Variants in SYNE1 observed in about 807,000 individuals in gnomAD.
The protein encoded by SYNE1 is nesprin-1.
In SYNE1, 616 loss-of-function variants were observed where a neutral mutation model predicts 1,111.0. The ratio of observed to expected loss-of-function variants is 0.55; its 90% CI spans 0.52 to 0.59. The LOEUF (loss-of-function observed/expected upper bound fraction) is 0.59. Among genes scored for constraint, SYNE1 ranks in the 20% least tolerant of loss-of-function variants. The probability of loss-of-function intolerance (pLI) is 0.00; values close to 1 mark genes in which losing one functional copy is unlikely to be tolerated. For missense variants in SYNE1, 10,006 were observed against 10,417.0 expected, an observed-to-expected ratio of 0.96 and a Z score of 1.72; for synonymous variants, 3,855 against 3,825.8, an observed-to-expected ratio of 1.01 and a Z score of -0.28.
chr6:152,483,281 C>G (rs1323158801), intron 13 of SYNE1, 32 bp from the exon 14 acceptor site: 1 of 1,591,994 alleles, frequency 6.3e-7, no homozygotes, highest in East Asian at 2.2e-5. Context: ...AGTAAAATAT[C>G]TTTAATACAG....
intron 104 of SYNE1, among the ~76,000 whole-genome samples, chr6:152,253,813 GTTTGGTTTTTTTTTT>G (rs2090004126): frequency 1.5e-4 from 5 of 33,206 alleles, no homozygotes; most frequent in African/African-American, 1.9e-4. Context: ...ATGTGTAGTG[GTTTGGTTTTTTTTTT>G]TTTTTTTTTT....
chr6:152,460,920 C>A (rs531694502), intron 21 of SYNE1, among the ~76,000 whole-genome samples: 2 of 144,398 alleles, frequency 1.4e-5, no homozygotes, highest in African/African-American at 5.0e-5. Context: ...TCAAGTGATT[C>A]TCCTGCCTCA....
At chr6:152,225,005 G>C (rs901985746) in intron 116 of SYNE1, among the ~76,000 whole-genome samples, 1 of 145,806 alleles carries the variant, frequency 6.9e-6, no homozygotes, top group African/African-American at 2.6e-5. Flanking sequence ...GTTATAAGAG[G>C]TTGATACTTT....
chr6:152,493,566 G>T (rs999984147), intron 11 of SYNE1, among the ~76,000 whole-genome samples: 1 of 152,030 alleles, frequency 6.6e-6, no homozygotes, highest in African/African-American at 2.4e-5. Flanking sequence ...TCAATATTTT[G>T]ACAACCTTCT....
At chr6:152,460,210 G>T (rs1163875776) in intron 21 of SYNE1, among the ~76,000 whole-genome samples, 1 of 152,140 alleles carries the variant, frequency 6.6e-6, no homozygotes, top group Non-Finnish European at 1.5e-5. Context: ...CTGCTGGGGA[G>T]TTATCAAATT....
rs552156635 is a variant in SYNE1, at chr6:152,596,841, A to G, written c.67+31424T>C. On this transcript the variant is annotated intron_variant, in intron 3 of 145. Transcript: ENST00000367255. ...CAGTCAAATACATTTGGCATTACAG[A>G]CTTTCGAACTTACCAGAGCAGTTGG... is the stretch of plus-strand genomic sequence containing the variant. Among the ~76,000 whole-genome samples, 167 of 152,280 alleles carry G rather than the reference A, an allele frequency of 1.1e-3. 1 individual carries two copies. Among genetic ancestry groups the G allele is most frequent in the Middle Eastern group, 3.4e-3 (1 of 294 alleles).
chr6:152,562,400 T>A (rs892525650), intron 3 of SYNE1, among the ~76,000 whole-genome samples: 4 of 152,080 alleles, frequency 2.6e-5, no homozygotes, highest in African/African-American at 9.7e-5. Flanking sequence ...AGATAACAAG[T>A]GTTGGTGAGG....
chr6:152,232,365 G>T, intron 112 of SYNE1, 100 bp from the exon 113 acceptor site: 1 of 1,291,808 alleles, frequency 7.7e-7, no homozygotes, highest in Non-Finnish European at 1.1e-6. Flanking sequence ...AATGTACCAA[G>T]AGAGATAACA....
At chr6:152,199,168 TTTA>T (rs1279939911) in intron 127 of SYNE1, among the ~76,000 whole-genome samples, 1 of 150,656 alleles carries the variant, frequency 6.6e-6, no homozygotes, top group Admixed American at 6.6e-5. Context: ...TACTCATCAT[TTTA>T]TTGATTTAAA....
chr6:152,413,993 T>C (rs1033446931), intron 41 of SYNE1, among the ~76,000 whole-genome samples: 6 of 93,366 alleles, frequency 6.4e-5, no homozygotes, highest in Non-Finnish European at 1.3e-4. Context: ...AGAATATATA[T>C]ATATATATAT....
At position 152,455,331 on chromosome 6, in the gene SYNE1, CCTT is replaced by C. The variant is rs555910516; in HGVS notation, c.2892+92_2892+94del. On this transcript the variant is annotated intron_variant, in intron 24 of 145. Coordinates refer to ENST00000367255, the MANE Select transcript of SYNE1 (RefSeq NM_182961.4). The stretch of plus-strand genomic sequence containing the variant: ...CTTCCCTGACTCATCTGCCCGCTCT[CCTT>C]CTGTATCAGATCAGCATGCCTTTTT... 114 of 1,385,980 alleles carry C rather than the reference CCTT, an allele frequency of 8.2e-5. No individual in the cohort carries two copies. The East Asian group carries it at 2.5e-3, about 30-fold the overall frequency. 85.9% of individuals were successfully genotyped at this position (1,385,980 alleles called of 1,614,324 possible). A position where few individuals can be genotyped will look rare whatever the true frequency, so the allele number is the denominator to read the frequency against.
At chr6:152,304,312 T>C (rs1297625606) in intron 91 of SYNE1, among the ~76,000 whole-genome samples, 1 of 152,176 alleles carries the variant, frequency 6.6e-6, no homozygotes, top group Non-Finnish European at 1.5e-5. Flanking sequence ...TATACAAAAA[T>C]TGAAGGAATC....
intron 11 of SYNE1, among the ~76,000 whole-genome samples, chr6:152,496,245 CT>C (rs1269505931): frequency 6.6e-6 from 1 of 152,064 alleles, no homozygotes; most frequent in African/African-American, 2.4e-5. Flanking sequence ...TAGGCCTCGA[CT>C]TACTGCTGAA....
At chr6:152,506,259 A>G (rs2099057789) in intron 8 of SYNE1, among the ~76,000 whole-genome samples, 1 of 152,194 alleles carries the variant, frequency 6.6e-6, no homozygotes, top group Admixed American at 6.5e-5. Context: ...TTCCGAAAAC[A>G]GAGTTGTAAA....
intron 54 of SYNE1, among the ~76,000 whole-genome samples, chr6:152,386,271 A>G (rs1187918636): frequency 1.3e-5 from 2 of 152,286 alleles, no homozygotes; most frequent in Admixed American, 6.5e-5. Flanking sequence ...TCTTATAGGA[A>G]AAGACACTCA....
rs1027046683 is a variant in SYNE1 at position 152,320,355 on chromosome 6, AT to A, written c.16236+882del. 1.1e-4 allele frequency: 17 copies of A among 152,356 alleles called. 1 individual carries two copies. The highest frequency in any genetic ancestry group is 3.4e-3 in the Middle Eastern group (1 of 294). The allele number at this position is 152,356 out of a possible 1,614,324, so 9.4% of individuals were successfully genotyped here. A position where few individuals can be genotyped will look rare whatever the true frequency, so the allele number is the denominator to read the frequency against. The stretch of plus-strand genomic sequence containing the variant: ...AAACACTTTGCATCATACATTGAAG[AT>A]TCCAAAAGTAGAGCACAACTGTATG... On this transcript the variant is annotated intron_variant, in intron 84 of 145. Coordinates refer to ENST00000367255, the MANE Select transcript of SYNE1 (RefSeq NM_182961.4).
chr6:152,213,704 A>G lies in SYNE1; in HGVS notation c.22402T>C (p.Trp7468Arg), dbSNP rs2077992751. The stretch of plus-strand genomic sequence containing the variant: ...TCTGTCTGAACTAGGAATTCCATCC[A>G]TGTTTCACATTTTTCCAAGAAAGTC... Reference protein sequence around the residue: ...HQTFLEKCETWMEFLVQTEQK... With the variant: ...HQTFLEKCETRMEFLVQTEQK... Residue 7468 changes from tryptophan to arginine, a missense_variant, in exon 123 of 146, where the codon TGG becomes CGG. By Grantham distance (101) the Trp-to-Arg change is moderately radical (BLOSUM62 -3). This residue lies in a region of SYNE1 where 2,182 missense variants were observed against 2,287.8 expected (regional missense o/e 0.95). Coordinates refer to ENST00000367255, the MANE Select transcript of SYNE1 (RefSeq NM_182961.4). 1 of 1,614,012 alleles carries G rather than the reference A, an allele frequency of 6.2e-7. No homozygotes were observed. Among genetic ancestry groups the G allele is most frequent in the African/African-American group, 1.3e-5 (1 of 74,912 alleles).
At position 152,416,751 on chromosome 6, in the gene SYNE1, T is replaced by C. The variant is rs989623011; in HGVS notation, c.5686A>G (p.Ser1896Gly). ...QLRQTVEATN[S>G]MNKNESDLIE... is the part of the protein sequence containing the mutation. ...AAATCAGACTCGTTCTTATTCATAC[T>C]GTTGGTTGCTTCCACTGTTTGCCTC... Residue 1896 changes from serine to glycine, a missense_variant, in exon 41 of 146, where the codon AGT becomes GGT. Physicochemically the swap from Ser to Gly is moderately conservative, Grantham distance 56. Coordinates refer to ENST00000367255, the MANE Select transcript of SYNE1 (RefSeq NM_182961.4). 1.9e-6 allele frequency: 3 copies of C among 1,614,242 alleles called. No homozygotes were observed. Among genetic ancestry groups the C allele is most frequent in the Non-Finnish European group, 2.5e-6 (3 of 1,180,038 alleles).
chr6:152,570,919 T>TG (rs944304520), intron 3 of SYNE1, among the ~76,000 whole-genome samples: 4 of 152,278 alleles, frequency 2.6e-5, no homozygotes, highest in African/African-American at 9.6e-5. Context: ...GGCAGCCAGA[T>TG]GCGGAGGAAT....
Sources: gnomAD v4.1 joint callset for allele counts (sites outside exome capture counted in the v4.1 genomes callset) on GRCh38, gnomAD v4.1.1 for gene constraint, gnomAD v4.1.1 regional missense constraint, MANE v1.5 for transcripts, NCBI Gene and HGNC (gene_info 2026-07-23, HGNC 2026-07-21) for gene names.